NETO2: variants seen among roughly 807,000 people sequenced by gnomAD.
The protein encoded by NETO2 is neuropilin and tolloid like 2.
In NETO2, 28 loss-of-function variants were observed where a neutral mutation model predicts 62.5. The ratio of observed to expected loss-of-function variants is 0.45; its 90% CI spans 0.33 to 0.61. The LOEUF is 0.61. NETO2 is among the 20% of genes least tolerant of loss of function. The pLI is 0.02. For synonymous variants in NETO2, 214 were observed against 219.1 expected, an observed-to-expected ratio of 0.98 and a Z score of 0.21; for missense variants, 548 against 643.2, an observed-to-expected ratio of 0.85 and a Z score of 1.60.
At chr16:47,108,679 A>G (rs1289728825) in intron 7 of NETO2, among the ~76,000 whole-genome samples, 1 of 152,218 alleles carries the variant, frequency 6.6e-6, no homozygotes, top group Non-Finnish European at 1.5e-5. Context: ...AGGATACTTG[A>G]CAACTAAAAG....
At chr16:47,099,807 A>C (rs535760589) in intron 7 of NETO2, among the ~76,000 whole-genome samples, 20 of 152,344 alleles carry the variant, frequency 1.3e-4, no homozygotes, top group Admixed American at 9.2e-4. Context: ...CAGATTCATA[A>C]AGCAAGTTCT....
chr16:47,138,049 C>A (rs927826281), intron 1 of NETO2, among the ~76,000 whole-genome samples: 1 of 152,170 alleles, frequency 6.6e-6, no homozygotes, highest in African/African-American at 2.4e-5. Flanking sequence ...GCTCCCATGT[C>A]TGCATTCTAG....
intron 6 of NETO2, among the ~76,000 whole-genome samples, chr16:47,114,454 T>C (rs1266605576): frequency 2.4e-5 from 3 of 125,190 alleles, no homozygotes; most frequent in Admixed American, 7.7e-5. Context: ...TTTTTTTTTT[T>C]TTTTTTTTTT....
At position 47,136,111 on chromosome 16, in the gene NETO2, C is replaced by A. The variant is rs571868850; in HGVS notation, c.35-4086G>T. ...GACTTAACAAAACGTTTCTGATGCT[C>A]ATCTTGAAGACTTTGTTATACTGGC... On this transcript the variant is annotated intron_variant, in intron 1 of 8. Coordinates refer to ENST00000562435, the MANE Select transcript of NETO2 (RefSeq NM_018092.5). Among the ~76,000 whole-genome samples, 8 of 152,202 alleles carry A rather than the reference C, an allele frequency of 5.3e-5. No individual in the cohort carries two copies. The East Asian group carries it at 1.5e-3, about 29-fold the overall frequency.
chr16:47,124,077 A>G (rs921704740), intron 4 of NETO2, among the ~76,000 whole-genome samples: 8 of 152,226 alleles, frequency 5.3e-5, no homozygotes, highest in Admixed American at 4.6e-4. Context: ...TTTTAATTCC[A>G]GATACTTTAG....
At chr16:47,127,654 G>C (rs1459662169) in intron 4 of NETO2, among the ~76,000 whole-genome samples, 1 of 152,162 alleles carries the variant, frequency 6.6e-6, no homozygotes, top group Non-Finnish European at 1.5e-5. Context: ...GTGAGGCCCT[G>C]CTCAATTTTG....
chr16:47,139,008 C>T (rs1451428476), intron 1 of NETO2, among the ~76,000 whole-genome samples: 3 of 152,170 alleles, frequency 2.0e-5, no homozygotes, highest in Non-Finnish European at 2.9e-5. Flanking sequence ...TCTAAATAAG[C>T]GCTACATTTT....
intron 6 of NETO2, among the ~76,000 whole-genome samples, chr16:47,115,381 A>C (rs1963890025): frequency 6.6e-6 from 1 of 152,158 alleles, no homozygotes; most frequent in South Asian, 2.1e-4. Context: ...ATATTTACTT[A>C]GGTCATCTCT....
At chr16:47,125,350 T>G (rs1023860641) in intron 4 of NETO2, among the ~76,000 whole-genome samples, 1 of 138,296 alleles carries the variant, frequency 7.2e-6, no homozygotes, top group Non-Finnish European at 1.5e-5. Flanking sequence ...TAGCTACTAG[T>G]TTTTTTTTTT....
rs1368971181 is a variant in NETO2 at position 47,115,717 on chromosome 16, A to ATATATATATATATACATG, written c.655-6024_655-6007dup. ...AATTTTTATATATATATATATACAT[A>ATATATATATATATACATG]TATATATATATATACATGTATATAT... On this transcript the variant is annotated intron_variant, in intron 6 of 8. Transcript: ENST00000562435. Among the ~76,000 whole-genome samples, 12 of 126,676 alleles carry ATATATATATATATACATG rather than the reference A, an allele frequency of 9.5e-5. 1 individual carries two copies. The highest frequency in any genetic ancestry group is 1.6e-4 in the African/African-American group (4 of 25,384). The allele number at this position is 126,676 out of a possible 152,430, so 83.1% of individuals were successfully genotyped here. A position where few individuals can be genotyped will look rare whatever the true frequency, so the allele number is the denominator to read the frequency against.
Position 47,083,152 on chromosome 16 carries a change from A to C in NETO2, c.*69T>G, listed in dbSNP as rs1963103745. On this transcript the variant is annotated 3_prime_UTR_variant, in exon 9 of 9. Transcript: ENST00000562435. ...ATGGGAGAAAAGGGTTGGCTGCTGG[A>C]AACAGTATGGTGCCCTGGAGGCTGC... 1 of 1,395,008 alleles carries C rather than the reference A, an allele frequency of 7.2e-7. No homozygotes were observed. Among genetic ancestry groups the C allele is most frequent in the Non-Finnish European group, 9.8e-7 (1 of 1,019,602 alleles). 86.4% of individuals were successfully genotyped at this position (1,395,008 alleles called of 1,614,324 possible). A position where few individuals can be genotyped will look rare whatever the true frequency, so the allele number is the denominator to read the frequency against.
intron 7 of NETO2, among the ~76,000 whole-genome samples, chr16:47,106,507 G>C (rs1358916186): frequency 1.3e-5 from 2 of 151,928 alleles, no homozygotes; most frequent in Non-Finnish European, 2.9e-5. Context: ...CTTCCGGAAG[G>C]GTTTTTGGCA....
At chr16:47,119,215 G>T (rs1963987848) in intron 6 of NETO2, among the ~76,000 whole-genome samples, 1 of 149,332 alleles carries the variant, frequency 6.7e-6, no homozygotes, top group Non-Finnish European at 1.5e-5. Context: ...GCAGTGGCGT[G>T]ATCTCAGCTC....
At position 47,078,202 on chromosome 16, in the gene NETO2, G is replaced by C. The variant is rs1963010632; in HGVS notation, c.*5019C>G. On this transcript the variant is annotated 3_prime_UTR_variant, in exon 9 of 9. Coordinates refer to ENST00000562435, the MANE Select transcript of NETO2 (RefSeq NM_018092.5). ...TAGGATTATTGTATTTTGGAAGCTA[G>C]TGGATAGGAAATGCCAACTTTGCCC... 6.6e-6 allele frequency: 1 copy of C among 152,214 alleles called. No homozygotes were observed. The highest frequency in any genetic ancestry group is 1.5e-5 in the Non-Finnish European group (1 of 68,046). The allele number at this position is 152,214 out of a possible 1,614,324, so 9.4% of individuals were successfully genotyped here.
At chr16:47,115,732 C>CACATATATATATATAT (rs1555498143) in intron 6 of NETO2, among the ~76,000 whole-genome samples, 3 of 134,490 alleles carry the variant, frequency 2.2e-5, no homozygotes, top group African/African-American at 3.2e-5. Flanking sequence ...TATATATATA[C>CACATATATATATATAT]ATGTATATAT....
chr16:47,091,993 C>T (rs1488793522), intron 7 of NETO2, among the ~76,000 whole-genome samples: 1 of 151,914 alleles, frequency 6.6e-6, no homozygotes, highest in Non-Finnish European at 1.5e-5. Context: ...CAGGTTTGCA[C>T]CACCATGCCC....
chr16:47,110,169 T>C (rs978929341), intron 6 of NETO2, among the ~76,000 whole-genome samples: 2 of 152,236 alleles, frequency 1.3e-5, no homozygotes, highest in African/African-American at 4.8e-5. Context: ...CTGTAACATA[T>C]AAAAATGTTT....
chr16:47,125,318 C>A (rs902918558), intron 4 of NETO2, among the ~76,000 whole-genome samples: 2 of 151,784 alleles, frequency 1.3e-5, no homozygotes, highest in African/African-American at 4.8e-5. Flanking sequence ...CTTTTCCCTG[C>A]CACTGTGAAA....
chr16:47,115,966 T>C (rs1004818374), intron 6 of NETO2, among the ~76,000 whole-genome samples: 3 of 151,736 alleles, frequency 2.0e-5, no homozygotes, highest in Non-Finnish European at 4.4e-5. Context: ...GAAATTTTTA[T>C]ATAGACAACG....
Sources: gnomAD v4.1 joint callset for allele counts (sites outside exome capture counted in the v4.1 genomes callset) on GRCh38, gnomAD v4.1.1 for gene constraint, MANE v1.5 for transcripts, NCBI Gene and HGNC (gene_info 2026-07-23, HGNC 2026-07-21) for gene names.